Variants in TPGS2 observed in about 807,000 individuals in gnomAD.
TPGS2 encodes the protein tubulin polyglutamylase complex subunit 2.
In TPGS2, 26 loss-of-function variants were observed where a neutral mutation model predicts 31.1. The observed-to-expected ratio is 0.84, with a 90% CI of 0.61 to 1.16. The LOEUF is 1.16. TPGS2 is among the 50% of genes most tolerant of loss of function. TPGS2 has a pLI of 0.00. For missense variants in TPGS2, 351 were observed against 363.8 expected (o/e 0.96, Z 0.29); for synonymous variants, 130 against 136.6 (o/e 0.95, Z 0.34).
Position 36,798,540 on chromosome 18 carries a change from A to C in TPGS2, c.566T>G (p.Phe189Cys), listed in dbSNP as rs1320632834. The change falls in exon 6 of 7, where the codon TTT (phenylalanine) becomes TGT (cysteine). Residue 189 changes from phenylalanine to cysteine, a missense_variant. Transcript: ENST00000334295. ...ALYWHFLTDT[F>C]TAYYRLLITH... The stretch of plus-strand genomic sequence containing the variant: ...GATGAGCAGGCGGTAATAGGCAGTA[A>C]AGGTGTCTGTGAGAAAATGCCAGTA... The C allele has an allele frequency of 6.2e-7, 1 of 1,614,106 alleles. No individual in the cohort carries two copies. The highest frequency in any genetic ancestry group is 8.5e-7 in the Non-Finnish European group (1 of 1,180,044).
In TPGS2 at chr18:36,796,775, G is replaced by C; in HGVS notation, c.*30C>G. On this transcript the variant is annotated 3_prime_UTR_variant, in exon 7 of 7. Coordinates refer to ENST00000334295, the MANE Select transcript of TPGS2 (RefSeq NM_015476.4). ...TCTGTGCATGGAAACCACCACTCTG[G>C]AGCTGGTAGGGAGTTGGAGGGAGGG... 1.9e-6 allele frequency: 3 copies of C among 1,548,462 alleles called. No homozygotes were observed. The highest frequency in any genetic ancestry group is 2.6e-6 in the Non-Finnish European group (3 of 1,151,446).
chr18:36,819,723 G>A (rs1384946562), intron 1 of TPGS2, among the ~76,000 whole-genome samples: 2 of 152,162 alleles, frequency 1.3e-5, no homozygotes, highest in Non-Finnish European at 2.9e-5. Flanking sequence ...CATAAAAGCT[G>A]TTATGACTTG....
chr18:36,800,100 A>T (rs1325421662), intron 5 of TPGS2, 98 bp downstream of exon 5: 35 of 1,028,254 alleles, frequency 3.4e-5, no homozygotes, highest in Admixed American at 8.5e-5. Context: ...GCATCTCAAG[A>T]GGCCAAGGAG....
In TPGS2 at chr18:36,796,034, T is replaced by C. The variant is rs2150556291; in HGVS notation, c.*771A>G. On this transcript the variant is annotated 3_prime_UTR_variant, in exon 7 of 7. Coordinates refer to ENST00000334295, the MANE Select transcript of TPGS2 (RefSeq NM_015476.4). ...AATTGTGGAACGTGTACAAACATCA[T>C]AACACAAAACTGGAAGCAAGAAACT... 3 of 985,410 alleles carry C rather than the reference T, an allele frequency of 3.0e-6. No homozygotes were observed. Among genetic ancestry groups the C allele is most frequent in the East Asian group, 1.1e-4 (1 of 8,820 alleles). The allele number at this position is 985,410 out of a possible 1,614,324, so 61.0% of individuals were successfully genotyped here.
intron 2 of TPGS2, among the ~76,000 whole-genome samples, chr18:36,815,117 G>A (rs909295133): frequency 1.3e-5 from 2 of 152,116 alleles, no homozygotes; most frequent in Non-Finnish European, 2.9e-5. Flanking sequence ...AGGCCTCTAG[G>A]GTCAGTTCTC....
chr18:36,809,135 T>A (rs1475445510), intron 2 of TPGS2, among the ~76,000 whole-genome samples: 1 of 152,186 alleles, frequency 6.6e-6, no homozygotes, highest in Non-Finnish European at 1.5e-5. Context: ...ACGATTTGAG[T>A]TCACTTCCCA....
Position 36,802,205 on chromosome 18 carries a change from G to T in TPGS2, c.383-1894C>A, listed in dbSNP as rs538751624. 1.1e-3 allele frequency among the ~76,000 whole-genome samples: 166 copies of T among 152,232 alleles called. 2 individuals are homozygous for T. The highest frequency in any genetic ancestry group is 1.5e-3 in the Non-Finnish European group (100 of 68,042). On this transcript the variant is annotated intron_variant, in intron 4 of 6. Coordinates refer to ENST00000334295, the MANE Select transcript of TPGS2 (RefSeq NM_015476.4). ...TCTGGTCTGTTACTCCATCTTGGAT[G>T]AAATAAAAAGTCCAGTTGATATGTT...
At chr18:36,826,360 T>G (rs916443358) in intron 1 of TPGS2, among the ~76,000 whole-genome samples, 4 of 151,980 alleles carry the variant, frequency 2.6e-5, no homozygotes, top group Non-Finnish European at 4.4e-5. Context: ...TAAATTGAAT[T>G]GTTCTTAGTT....
At chr18:36,819,360 A>C (rs1012545806) in intron 1 of TPGS2, among the ~76,000 whole-genome samples, 6 of 152,244 alleles carry the variant, frequency 3.9e-5, no homozygotes, top group Non-Finnish European at 7.3e-5. Context: ...CTTTTATAAG[A>C]CATAAAACTT....
chr18:36,803,493 CTTGG>C (rs1391375528), intron 4 of TPGS2, among the ~76,000 whole-genome samples: 5 of 152,076 alleles, frequency 3.3e-5, no homozygotes, highest in African/African-American at 1.2e-4. Context: ...ATCTGTTCAA[CTTGG>C]GTCTAGGTGG....
Position 36,828,948 on chromosome 18 carries a change from C to T in TPGS2, c.-181G>A. On this transcript the variant is annotated 5_prime_UTR_variant, in exon 1 of 7. Transcript: ENST00000334295. ...AGCAGCTCCGTGGGGCGCCGGTTCC[C>T]GCGGCCCCGCCCGGTGCCCCACACC... 1.0e-6 allele frequency: 1 copy of T among 986,170 alleles called. No homozygotes were observed. The highest frequency in any genetic ancestry group is 1.4e-6 in the Non-Finnish European group (1 of 699,624). 61.1% of individuals were successfully genotyped at this position (986,170 alleles called of 1,614,324 possible). A position where few individuals can be genotyped will look rare whatever the true frequency, so the allele number is the denominator to read the frequency against.
chr18:36,828,592 C>T lies in TPGS2; in HGVS notation c.85+91G>A. 6 of 1,396,684 alleles carry T rather than the reference C, an allele frequency of 4.3e-6. 1 individual carries two copies. In the South Asian group the frequency reaches 6.1e-5, roughly 14 times the overall value. 86.5% of individuals were successfully genotyped at this position (1,396,684 alleles called of 1,614,324 possible). On this transcript the variant is annotated intron_variant, in intron 1 of 6. Transcript: ENST00000334295. Reference sequence around the variant, plus strand: ...AGCGATGTCCACTCCTGTTCTGGGGCCAGCGTCGCACCGCTCACCCCGCAC... The same window carrying T: ...AGCGATGTCCACTCCTGTTCTGGGGTCAGCGTCGCACCGCTCACCCCGCAC...
downstream of TPGS2, among the ~76,000 whole-genome samples, chr18:36,793,580 A>C (rs1362537388): frequency 6.6e-6 from 1 of 152,204 alleles, no homozygotes; most frequent in Non-Finnish European, 1.5e-5. Flanking sequence ...GAAAATACTA[A>C]GAAGTGAAAC....
At chr18:36,784,336 C>T (rs2044082790) in intron 6 of TPGS2, among the ~76,000 whole-genome samples, 1 of 152,220 alleles carries the variant, frequency 6.6e-6, no homozygotes. Flanking sequence ...CCTTAGGGCC[C>T]TTTCCTGGGG....
chr18:36,795,032 G>C lies in TPGS2; in HGVS notation c.*1773C>G. On this transcript the variant is annotated 3_prime_UTR_variant, in exon 7 of 7. Transcript: ENST00000334295. ...TTAAGCGCTGATATTTCAAGACTTT[G>C]AACTATTACAAATATGGGGAAGCAG... 1 of 985,402 alleles carries C rather than the reference G, an allele frequency of 1.0e-6. No individual in the cohort carries two copies. Among genetic ancestry groups the C allele is most frequent in the Non-Finnish European group, 1.2e-6 (1 of 829,938 alleles). The allele number at this position is 985,402 out of a possible 1,614,324, so 61.0% of individuals were successfully genotyped here.
chr18:36,798,467 G>A lies in TPGS2; in HGVS notation c.639C>T (p.Gly213=). The change falls in exon 6 of 7, where the codon GGC becomes GGT. Residue 213 remains glycine, a synonymous_variant. Transcript: ENST00000334295. ...PQWQYAFTSY[G]ISPQAKQWFS... is the part of the protein sequence containing the mutation. ...CCCTTACCTTGGCCTGTGGGCTAAT[G>A]CCATAGCTGGTGAAGGCATATTGCC... is the stretch of plus-strand genomic sequence containing the variant. 1 of 1,614,184 alleles carries A rather than the reference G, an allele frequency of 6.2e-7. No individual in the cohort carries two copies. Among genetic ancestry groups the A allele is most frequent in the Non-Finnish European group, 8.5e-7 (1 of 1,180,032 alleles).
chr18:36,784,193 TGTG>T lies in TPGS2; in HGVS notation c.658-1065_658-1063del, dbSNP rs1372754976. Among the ~76,000 whole-genome samples, 8 of 152,354 alleles carry T rather than the reference TGTG, an allele frequency of 5.3e-5. No individual in the cohort carries two copies. In the East Asian group the frequency reaches 1.4e-3, roughly 26 times the overall value. ...TTCTGTTGTTATAAACCACCAAGCTTGTGGTGATTCCTCACGGTATCCTCTAAG... is the reference window on the plus strand; with the variant it reads ...TTCTGTTGTTATAAACCACCAAGCTTGTGATTCCTCACGGTATCCTCTAAG... On this transcript the variant is annotated intron_variant, in intron 6 of 6. Coordinates refer to the TPGS2 transcript ENST00000587129.
rs1329810318 is a variant in TPGS2, at chr18:36,796,183, C to T, written c.*622G>A. 1.0e-6 allele frequency: 1 copy of T among 985,262 alleles called. No homozygotes were observed. The highest frequency in any genetic ancestry group is 6.2e-5 in the Admixed American group (1 of 16,258). The allele number at this position is 985,262 out of a possible 1,614,324, so 61.0% of individuals were successfully genotyped here. A position where few individuals can be genotyped will look rare whatever the true frequency, so the allele number is the denominator to read the frequency against. On this transcript the variant is annotated 3_prime_UTR_variant, in exon 7 of 7. Coordinates refer to ENST00000334295, the MANE Select transcript of TPGS2 (RefSeq NM_015476.4). Reference sequence around the variant, plus strand: ...TGTGTACTTGAGAGGTTTCATGGAACATTATGACCCATCCAATGAAGACAT... The same window carrying T: ...TGTGTACTTGAGAGGTTTCATGGAATATTATGACCCATCCAATGAAGACAT...
chr18:36,794,645 T>C lies in TPGS2; in HGVS notation c.*2160A>G, dbSNP rs2044437151. On this transcript the variant is annotated 3_prime_UTR_variant, in exon 7 of 7. Transcript: ENST00000334295. ...CGTTGGCTCTTCCTTTGATCAATTC[T>C]GGCAAGAAAAATACTTCTGGAAGAC... is the stretch of plus-strand genomic sequence containing the variant. 1.0e-6 allele frequency: 1 copy of C among 985,442 alleles called. No homozygotes were observed. Among genetic ancestry groups the C allele is most frequent in the Non-Finnish European group, 1.2e-6 (1 of 829,940 alleles). 61.0% of individuals were successfully genotyped at this position (985,442 alleles called of 1,614,324 possible). A position where few individuals can be genotyped will look rare whatever the true frequency, so the allele number is the denominator to read the frequency against.
Sources: gnomAD v4.1 joint callset for allele counts (sites outside exome capture counted in the v4.1 genomes callset) on GRCh38, gnomAD v4.1.1 for gene constraint, MANE v1.5 for transcripts, NCBI Gene and HGNC (gene_info 2026-07-23, HGNC 2026-07-21) for gene names.